The following SULT2B1 variants were observed in gnomAD, a reference collection of about 807,000 sequenced individuals.
SULT2B1 encodes sulfotransferase 2B1.
In SULT2B1, 16 loss-of-function variants were observed where a neutral mutation model predicts 33.2. The ratio of observed to expected loss-of-function variants is 0.48; its 90% CI spans 0.33 to 0.73. The LOEUF (loss-of-function observed/expected upper bound fraction) is 0.73, where lower values mean the gene tolerates loss of function less well. SULT2B1 is among the 30% of genes least tolerant of loss of function. The pLI is 0.02. For synonymous variants in SULT2B1, 186 were observed against 200.5 expected (o/e 0.93, Z 0.61); for missense variants, 500 against 506.0 (o/e 0.99, Z 0.11).
chr19:48,584,106 G>T (rs1340364352), intron 2 of SULT2B1, among the ~76,000 whole-genome samples: 1 of 152,116 alleles, frequency 6.6e-6, no homozygotes, highest in African/African-American at 2.4e-5. Flanking sequence ...GCAAGACTCC[G>T]TCTCAAACAA....
chr19:48,560,997 T>C (rs1015141027), intron 1 of SULT2B1, among the ~76,000 whole-genome samples: 1 of 150,342 alleles, frequency 6.7e-6, no homozygotes, highest in Non-Finnish European at 1.5e-5. Context: ...CCAGGTGTGG[T>C]GGTGGGCGCC....
At chr19:48,587,068 C>T (rs190371035) in intron 2 of SULT2B1, among the ~76,000 whole-genome samples, 161 bp from the exon 3 acceptor site, 4 of 151,820 alleles carry the variant, frequency 2.6e-5, no homozygotes, top group East Asian at 1.9e-4. Context: ...GCCGAGATCG[C>T]GCCATTGCAC....
At chr19:48,556,467 G>T (rs1973101049) in intron 1 of SULT2B1, among the ~76,000 whole-genome samples, 1 of 151,964 alleles carries the variant, frequency 6.6e-6, no homozygotes, top group East Asian at 1.9e-4. Flanking sequence ...GGAATGGTTG[G>T]GGCACAGGGA....
At chr19:48,582,284 T>C (rs998995312) in intron 2 of SULT2B1, among the ~76,000 whole-genome samples, 2 of 152,144 alleles carry the variant, frequency 1.3e-5, no homozygotes, top group South Asian at 4.1e-4. Context: ...AAGTTTCTGG[T>C]TTTTTTAAAT....
chr19:48,579,764 G>A (rs1172801724), intron 2 of SULT2B1, among the ~76,000 whole-genome samples: 9 of 150,738 alleles, frequency 6.0e-5, no homozygotes, highest in Admixed American at 3.3e-4. Flanking sequence ...CTGCCACCAC[G>A]CCCAGCTAAT....
intron 1 of SULT2B1, among the ~76,000 whole-genome samples, chr19:48,574,287 C>T (rs1292428571): frequency 6.6e-6 from 1 of 152,218 alleles, no homozygotes; most frequent in African/African-American, 2.4e-5. Context: ...TTCCTTCCTT[C>T]CTACACTCAT....
At chr19:48,568,902 C>T (rs1181144885) in intron 1 of SULT2B1, among the ~76,000 whole-genome samples, 2 of 152,126 alleles carry the variant, frequency 1.3e-5, no homozygotes, top group African/African-American at 2.4e-5. Context: ...TTTGCGCTCA[C>T]TCTTCCTTCT....
In SULT2B1 at chr19:48,560,361, T is replaced by G. The variant is rs538421513; in HGVS notation, c.71+8038T>G. On this transcript the variant is annotated intron_variant, in intron 1 of 6. Coordinates refer to ENST00000201586, the MANE Select transcript of SULT2B1 (RefSeq NM_177973.2). Reference sequence around the variant, plus strand: ...GCCCTGTGTGGTCCCAGTGTTACAATGCCCATTTTACAGATGGGAAAACTG... The same window carrying G: ...GCCCTGTGTGGTCCCAGTGTTACAAGGCCCATTTTACAGATGGGAAAACTG... Among the ~76,000 whole-genome samples, 44 of 152,192 alleles carry G rather than the reference T, an allele frequency of 2.9e-4. 1 individual carries two copies. Among genetic ancestry groups the G allele is most frequent in the East Asian group, 1.9e-3 (10 of 5,174 alleles).
At chr19:48,560,829 G>T (rs1029738258) in intron 1 of SULT2B1, among the ~76,000 whole-genome samples, 1 of 151,904 alleles carries the variant, frequency 6.6e-6, no homozygotes. Flanking sequence ...AGCCGTGGTG[G>T]CTCACATCTG....
At chr19:48,594,176 G>A (rs1219169934) in intron 5 of SULT2B1, among the ~76,000 whole-genome samples, 8 of 151,804 alleles carry the variant, frequency 5.3e-5, no homozygotes, top group African/African-American at 1.9e-4. Flanking sequence ...CAGGAGAATC[G>A]CTTGAACCTG....
At chr19:48,584,296 A>T (rs1209530722) in intron 2 of SULT2B1, among the ~76,000 whole-genome samples, 1 of 152,202 alleles carries the variant, frequency 6.6e-6, no homozygotes, top group Non-Finnish European at 1.5e-5. Context: ...GGTGACTGAG[A>T]AGTTCACTGA....
intron 1 of SULT2B1, among the ~76,000 whole-genome samples, chr19:48,562,589 A>G (rs965077617): frequency 3.3e-5 from 5 of 152,010 alleles, no homozygotes; most frequent in Non-Finnish European, 7.4e-5. Context: ...AATCATATGC[A>G]TGTTTATATG....
intron 5 of SULT2B1, among the ~76,000 whole-genome samples, chr19:48,595,151 A>G (rs145314413): frequency 1.5e-3 from 220 of 151,670 alleles, no homozygotes; most frequent in African/African-American, 5.1e-3. Context: ...GCGTGGTGGC[A>G]CATGCCTGTA....
chr19:48,576,921 A>G (rs1030793946), intron 2 of SULT2B1, among the ~76,000 whole-genome samples: 6 of 151,002 alleles, frequency 4.0e-5, no homozygotes, highest in Admixed American at 1.3e-4. Context: ...GATTACAGGC[A>G]TGAGCCACCG....
chr19:48,587,766 A>G (rs1185809260), intron 3 of SULT2B1, among the ~76,000 whole-genome samples: 1 of 151,728 alleles, frequency 6.6e-6, no homozygotes, highest in Non-Finnish European at 1.5e-5. Context: ...GGTGGCACAC[A>G]CTTGTAGTCC....
At chr19:48,553,264 C>T (rs1034818738) in intron 1 of SULT2B1, among the ~76,000 whole-genome samples, 1 of 152,156 alleles carries the variant, frequency 6.6e-6, no homozygotes, top group Non-Finnish European at 1.5e-5. Context: ...AGGAGGGAGA[C>T]AACCAAGACC....
intron 1 of SULT2B1, among the ~76,000 whole-genome samples, chr19:48,561,434 T>A (rs966831498): frequency 3.4e-5 from 5 of 147,982 alleles, no homozygotes; most frequent in African/African-American, 1.2e-4. Context: ...TGTCTCAAAA[T>A]AAATAAATAA....
intron 1 of SULT2B1, among the ~76,000 whole-genome samples, chr19:48,573,591 G>A (rs1274278332): frequency 6.6e-6 from 1 of 152,072 alleles, no homozygotes; most frequent in African/African-American, 2.4e-5. Context: ...ATTTCCAGGA[G>A]CGGGAACAGC....
intron 5 of SULT2B1, among the ~76,000 whole-genome samples, chr19:48,593,059 A>G (rs1355443422): frequency 2.0e-5 from 3 of 152,152 alleles, no homozygotes; most frequent in Non-Finnish European, 4.4e-5. Flanking sequence ...AGTGGGAAGG[A>G]AGATAAGGAA....
Sources: gnomAD v4.1 joint callset for allele counts (sites outside exome capture counted in the v4.1 genomes callset) on GRCh38, gnomAD v4.1.1 for gene constraint, MANE v1.5 for transcripts, NCBI Gene and HGNC (gene_info 2026-07-23, HGNC 2026-07-21) for gene names.